ENTPD1: variants seen among roughly 807,000 people sequenced by gnomAD.
ENTPD1 encodes the protein ectonucleoside triphosphate diphosphohydrolase 1.
ENTPD1 carries 33 observed loss-of-function variants against 57.0 expected under a neutral mutation model. The ratio of observed to expected loss-of-function variants is 0.58; its 90% CI spans 0.44 to 0.77. ENTPD1 has a LOEUF of 0.77. ENTPD1 is among the 30% of genes least tolerant of loss of function. The pLI, the probability that ENTPD1 is intolerant of heterozygous loss-of-function variation, is 0.00. For synonymous variants in ENTPD1, 202 were observed against 218.8 expected, an observed-to-expected ratio of 0.92 and a Z score of 0.68; for missense variants, 501 against 603.4, an observed-to-expected ratio of 0.83 and a Z score of 1.78.
chr10:95,793,783 C>T (rs2098215507), intron 1 of ENTPD1, among the ~76,000 whole-genome samples: 1 of 151,964 alleles, frequency 6.6e-6, no homozygotes, highest in Non-Finnish European at 1.5e-5. Flanking sequence ...TGACATGGGG[C>T]TGAACAGGAA....
intron 1 of ENTPD1, among the ~76,000 whole-genome samples, chr10:95,713,787 G>A (rs2097968470): frequency 6.6e-6 from 1 of 152,204 alleles, no homozygotes; most frequent in South Asian, 2.1e-4. Flanking sequence ...GAGACAAGGG[G>A]TGGGTTAGCT....
intron 7 of ENTPD1, among the ~76,000 whole-genome samples, chr10:95,851,899 T>C (rs2098445921): frequency 6.6e-6 from 1 of 152,174 alleles, no homozygotes; most frequent in African/African-American, 2.4e-5. Flanking sequence ...TACGTGTGCA[T>C]GTGTCTTTAT....
chr10:95,871,737 A>G lies in ENTPD1; in HGVS notation c.*5354A>G. On this transcript the variant is annotated 3_prime_UTR_variant, in exon 10 of 10. Coordinates refer to ENST00000371205, the MANE Select transcript of ENTPD1 (RefSeq NM_001776.6). ...ACTGACACCATGATCAGTGATGATGATCACCCTCATCAGCACTAGAGTTGA... is the reference window on the plus strand; with the variant it reads ...ACTGACACCATGATCAGTGATGATGGTCACCCTCATCAGCACTAGAGTTGA... The G allele has an allele frequency of 1.0e-6, 1 of 985,152 alleles. No homozygotes were observed. Among genetic ancestry groups the G allele is most frequent in the Non-Finnish European group, 1.2e-6 (1 of 829,632 alleles). The allele number at this position is 985,152 out of a possible 1,614,324, so 61.0% of individuals were successfully genotyped here.
At chr10:95,860,906 C>T (rs1226422443) in intron 8 of ENTPD1, among the ~76,000 whole-genome samples, 2 of 152,200 alleles carry the variant, frequency 1.3e-5, no homozygotes, top group Admixed American at 6.5e-5. Context: ...TTCATGGACA[C>T]AAGATGGTGG....
chr10:95,752,663 C>G (rs1019730874), upstream of ENTPD1, among the ~76,000 whole-genome samples: 6 of 151,500 alleles, frequency 4.0e-5, no homozygotes, highest in Admixed American at 2.0e-4. Context: ...GAAACTCTGT[C>G]TCAAAAAAAA....
chr10:95,822,611 T>C (rs2098357611), intron 1 of ENTPD1, among the ~76,000 whole-genome samples: 1 of 152,230 alleles, frequency 6.6e-6, no homozygotes. Flanking sequence ...GCCTTTTATA[T>C]AATTCTACTA....
intron 1 of ENTPD1, among the ~76,000 whole-genome samples, chr10:95,768,997 CT>C (rs1274511653): frequency 6.6e-6 from 1 of 152,182 alleles, no homozygotes; most frequent in Admixed American, 6.5e-5. Flanking sequence ...CCCTTAGGTT[CT>C]GTTCAGGTCT....
At chr10:95,782,028 T>C (rs2098160089) in intron 1 of ENTPD1, among the ~76,000 whole-genome samples, 1 of 152,246 alleles carries the variant, frequency 6.6e-6, no homozygotes, top group Non-Finnish European at 1.5e-5. Flanking sequence ...TTCTCTTCTT[T>C]AGAATTTCTG....
At position 95,873,595 on chromosome 10, in the gene ENTPD1, T is replaced by A; in HGVS notation, c.*7212T>A. 1.0e-6 allele frequency: 1 copy of A among 985,464 alleles called. No individual in the cohort carries two copies. Among genetic ancestry groups the A allele is most frequent in the Middle Eastern group, 5.2e-4 (1 of 1,914 alleles). 61.0% of individuals were successfully genotyped at this position (985,464 alleles called of 1,614,324 possible). ...AAATGGTTTAGAAGTTTAGCTGGTTTCTTATTACTCCTGTCTATGGATGTT... is the reference window on the plus strand; with the variant it reads ...AAATGGTTTAGAAGTTTAGCTGGTTACTTATTACTCCTGTCTATGGATGTT... On this transcript the variant is annotated 3_prime_UTR_variant, in exon 10 of 10. Transcript: ENST00000371205.
intron 7 of ENTPD1, among the ~76,000 whole-genome samples, chr10:95,857,770 A>T (rs1323038222): frequency 6.6e-6 from 1 of 152,202 alleles, no homozygotes; most frequent in Non-Finnish European, 1.5e-5. Context: ...GAACAAGGGA[A>T]ATTCCGCGCC....
the ENTPD1 span, among the ~76,000 whole-genome samples, chr10:95,706,448 T>G: frequency 6.6e-6 from 1 of 152,178 alleles, no homozygotes; most frequent in Non-Finnish European, 1.5e-5. Context: ...AGTCAAGTGT[T>G]CAGCTCTCAG....
intron 1 of ENTPD1, among the ~76,000 whole-genome samples, chr10:95,728,487 T>G (rs1417205466): frequency 6.6e-6 from 1 of 152,162 alleles, no homozygotes; most frequent in Admixed American, 6.5e-5. Context: ...ATCAAGCAAT[T>G]CATCTTTTTC....
chr10:95,858,931 AGAAT>A (rs1226523977), intron 7 of ENTPD1, among the ~76,000 whole-genome samples: 9 of 152,186 alleles, frequency 5.9e-5, no homozygotes. Flanking sequence ...AGCAAGATGA[AGAAT>A]CTGTTTAAAA....
intron 1 of ENTPD1, among the ~76,000 whole-genome samples, chr10:95,758,440 C>G (rs1423706106): frequency 6.6e-6 from 1 of 152,174 alleles, no homozygotes; most frequent in Non-Finnish European, 1.5e-5. Context: ...CATTTGCTAT[C>G]ACTGCTTGAA....
chr10:95,733,490 G>C (rs979805033), intron 1 of ENTPD1, among the ~76,000 whole-genome samples: 2 of 152,224 alleles, frequency 1.3e-5, no homozygotes, highest in East Asian at 3.8e-4. Context: ...GAAATCACAA[G>C]AGTATTGATT....
Position 95,868,535 on chromosome 10 carries a change from T to C in ENTPD1, c.*2152T>C. 3.0e-6 allele frequency: 3 copies of C among 985,442 alleles called. No homozygotes were observed. Among genetic ancestry groups the C allele is most frequent in the Non-Finnish European group, 2.4e-6 (2 of 829,936 alleles). 61.0% of individuals were successfully genotyped at this position (985,442 alleles called of 1,614,324 possible). On this transcript the variant is annotated 3_prime_UTR_variant, in exon 10 of 10. Transcript: ENST00000371205. ...ATGATGAAAATAAAGGTCAAATAAG[T>C]TGAGCCAATAACAGCCGCTTTTTTC...
the ENTPD1 span, among the ~76,000 whole-genome samples, chr10:95,699,306 A>C: frequency 6.6e-6 from 1 of 152,206 alleles, no homozygotes; most frequent in Non-Finnish European, 1.5e-5. Flanking sequence ...GTGATTAAAG[A>C]TGGAAGAAAA....
Position 95,870,699 on chromosome 10 carries a change from T to C in ENTPD1, c.*4316T>C, listed in dbSNP as rs2098479399. ...GAACTGAGTTTCACCCAAACTGGTC[T>C]GGCCCCTCTCTGATTCAAATACCAA... On this transcript the variant is annotated 3_prime_UTR_variant, in exon 10 of 10. Transcript: ENST00000371205. The C allele has an allele frequency of 8.1e-6, 8 of 985,502 alleles. No homozygotes were observed. Among genetic ancestry groups the C allele is most frequent in the Non-Finnish European group, 9.6e-6 (8 of 829,934 alleles). 61.0% of individuals were successfully genotyped at this position (985,502 alleles called of 1,614,324 possible).
intron 2 of ENTPD1, among the ~76,000 whole-genome samples, chr10:95,837,666 T>C (rs1030387229): frequency 5.3e-5 from 8 of 152,188 alleles, no homozygotes; most frequent in Non-Finnish European, 7.3e-5. Flanking sequence ...ACGGTGGTAC[T>C]CCCTGGTCTA....
Sources: allele counts gnomAD v4.1 joint callset (sites outside exome capture counted in the v4.1 genomes callset), GRCh38; gene constraint gnomAD v4.1.1; transcripts MANE v1.5; gene names NCBI Gene and HGNC (gene_info 2026-07-23, HGNC 2026-07-21).